RBFOX1: variants seen among roughly 807,000 people sequenced by gnomAD.
RBFOX1 encodes the protein RNA binding protein fox-1 homolog 1.
RBFOX1 carries 8 observed loss-of-function variants against 57.7 expected under a neutral mutation model. The ratio of observed to expected loss-of-function variants is 0.14; its 90% CI spans 0.08 to 0.25. The LOEUF is 0.25. RBFOX1 is among the 10% of genes least tolerant of loss of function. The probability of loss-of-function intolerance (pLI) is 1.00; values close to 1 mark genes in which losing one functional copy is unlikely to be tolerated. For synonymous variants in RBFOX1, 326 were observed against 222.4 expected, an observed-to-expected ratio of 1.47 and a Z score of -4.15; for missense variants, 611 against 548.5, an observed-to-expected ratio of 1.11 and a Z score of -1.14.
intron 1 of RBFOX1, among the ~76,000 whole-genome samples, chr16:5,318,365 G>A (rs764533008): frequency 2.9e-4 from 44 of 152,194 alleles, no homozygotes; most frequent in Non-Finnish European, 4.9e-4. Context: ...CTGACCTCAA[G>A]TGATGCACCC....
chr16:5,517,775 C>A (rs1365346196), intron 2 of RBFOX1, among the ~76,000 whole-genome samples: 3 of 152,092 alleles, frequency 2.0e-5, no homozygotes, highest in African/African-American at 7.2e-5. Flanking sequence ...TATCCAAGAG[C>A]TCAAGAACTA....
At chr16:6,520,566 C>T (rs555959166) in intron 2 of RBFOX1, among the ~76,000 whole-genome samples, 31 of 152,176 alleles carry the variant, frequency 2.0e-4, no homozygotes, top group African/African-American at 7.5e-4. Context: ...AACATTGGTT[C>T]TAACTTGTGA....
At chr16:6,939,512 T>TA (rs2077975260) in intron 3 of RBFOX1, among the ~76,000 whole-genome samples, 1 of 151,530 alleles carries the variant, frequency 6.6e-6, no homozygotes, top group Non-Finnish European at 1.5e-5. Flanking sequence ...CTTTCTTTTT[T>TA]TTTTTTTCTT....
Position 6,295,273 on chromosome 16 carries a change from A to G in RBFOX1, c.-126-21722A>G, listed in dbSNP as rs138575525. ...CAAGTAGCTGGGATTACAGGCATGC[A>G]CCACCACACCCAGCAAATTGTTTTG... On this transcript the variant is annotated intron_variant, in intron 1 of 15. Transcript: ENST00000550418. Among the ~76,000 whole-genome samples, 891 of 152,040 alleles carry G rather than the reference A, an allele frequency of 5.9e-3. 12 individuals are homozygous for G. Among genetic ancestry groups the G allele is most frequent in the African/African-American group, 0.02 (846 of 41,460 alleles).
At chr16:6,359,613 C>T (rs981038019) in intron 2 of RBFOX1, among the ~76,000 whole-genome samples, 8 of 152,148 alleles carry the variant, frequency 5.3e-5, no homozygotes, top group African/African-American at 1.7e-4. Context: ...AGCACTTGAA[C>T]CAGAAAACAT....
At chr16:6,776,169 TG>T (rs2079301343) in intron 3 of RBFOX1, among the ~76,000 whole-genome samples, 2 of 152,036 alleles carry the variant, frequency 1.3e-5, no homozygotes, top group African/African-American at 4.8e-5. Flanking sequence ...CCCAGCACTT[TG>T]GGAGGCCAGT....
chr16:7,275,230 T>G (rs958927195), intron 4 of RBFOX1, among the ~76,000 whole-genome samples: 2 of 152,142 alleles, frequency 1.3e-5, no homozygotes, highest in African/African-American at 4.8e-5. Context: ...ACTAACTCAT[T>G]CAAAAATAGC....
chr16:6,341,766 T>G (rs1274652783), intron 2 of RBFOX1, among the ~76,000 whole-genome samples: 1 of 152,166 alleles, frequency 6.6e-6, no homozygotes, highest in African/African-American at 2.4e-5. Flanking sequence ...CACTTTACTT[T>G]CTAAATAAAC....
chr16:7,117,817 G>A (rs1037459390), intron 4 of RBFOX1, among the ~76,000 whole-genome samples: 5 of 152,116 alleles, frequency 3.3e-5, no homozygotes, highest in South Asian at 2.1e-4. Context: ...GACTCATCTC[G>A]AACAGGATCT....
intron 3 of RBFOX1, among the ~76,000 whole-genome samples, chr16:7,030,219 A>G (rs933038006): frequency 7.9e-5 from 12 of 152,190 alleles, no homozygotes; most frequent in Admixed American, 7.9e-4. Context: ...ATGATAGAGA[A>G]GGCTGTTCTT....
At chr16:7,007,281 C>G (rs888881314) in intron 3 of RBFOX1, among the ~76,000 whole-genome samples, 1 of 152,174 alleles carries the variant, frequency 6.6e-6, no homozygotes, top group Non-Finnish European at 1.5e-5. Flanking sequence ...GTGGACTCTT[C>G]CAACTCATAG....
intron 3 of RBFOX1, among the ~76,000 whole-genome samples, chr16:5,767,143 G>A (rs1049313124): frequency 6.6e-6 from 1 of 152,322 alleles, no homozygotes; most frequent in Middle Eastern, 3.4e-3. Flanking sequence ...CTAGGGCCGG[G>A]CATTCAGTCC....
intron 1 of RBFOX1, among the ~76,000 whole-genome samples, chr16:6,128,596 T>C (rs2096606853): frequency 6.6e-6 from 1 of 152,146 alleles, no homozygotes; most frequent in Non-Finnish European, 1.5e-5. Context: ...AGAGTAGAGT[T>C]CTGGGATTCT....
chr16:5,971,024 T>C (rs746565793), intron 4 of RBFOX1, among the ~76,000 whole-genome samples: 2 of 152,220 alleles, frequency 1.3e-5, no homozygotes, highest in African/African-American at 4.8e-5. Context: ...TATGTGTCCA[T>C]ACCAGAGGAT....
chr16:6,444,293 C>G (rs2094442773), intron 2 of RBFOX1, among the ~76,000 whole-genome samples: 1 of 152,016 alleles, frequency 6.6e-6, no homozygotes, highest in Non-Finnish European at 1.5e-5. Flanking sequence ...GGTGGACGCC[C>G]AAGGGCTCCA....
chr16:5,549,037 C>T (rs1035502296), intron 2 of RBFOX1, among the ~76,000 whole-genome samples: 5 of 152,116 alleles, frequency 3.3e-5, no homozygotes, highest in African/African-American at 4.8e-5. Flanking sequence ...TCATACTGGC[C>T]GCAAGGCAGT....
chr16:7,565,490 C>T (rs1190127812), intron 5 of RBFOX1, among the ~76,000 whole-genome samples: 5 of 152,164 alleles, frequency 3.3e-5, no homozygotes, highest in Non-Finnish European at 2.9e-5. Context: ...CCCTGCTATT[C>T]TCTGCAGACT....
At chr16:6,679,847 G>T (rs1018109741) in intron 3 of RBFOX1, among the ~76,000 whole-genome samples, 5 of 146,748 alleles carry the variant, frequency 3.4e-5, no homozygotes, top group Non-Finnish European at 7.4e-5. Context: ...CAAACACTGG[G>T]ACCTTCTACA....
intron 2 of RBFOX1, among the ~76,000 whole-genome samples, chr16:6,563,001 C>T (rs536118786): frequency 1.3e-5 from 2 of 149,808 alleles, no homozygotes; most frequent in Admixed American, 6.7e-5. Flanking sequence ...TGAAGCTTAC[C>T]AGCATGTTTT....
Sources: gnomAD v4.1 joint callset for allele counts (sites outside exome capture counted in the v4.1 genomes callset) on GRCh38, gnomAD v4.1.1 for gene constraint, MANE v1.5 for transcripts, NCBI Gene and HGNC (gene_info 2026-07-23, HGNC 2026-07-21) for gene names.